The following TNKS variants were observed in gnomAD, a reference collection of about 807,000 sequenced individuals.
TNKS encodes poly [ADP-ribose] polymerase tankyrase-1.
A neutral mutation model predicts 135.8 loss-of-function variants in TNKS; 72 were observed. That is an observed-to-expected ratio of 0.53 (90% confidence interval 0.44 to 0.64). TNKS has a LOEUF of 0.64. Among genes scored for constraint, TNKS ranks in the 30% least tolerant of loss-of-function variants. The pLI is 0.00. For missense variants in TNKS, 1,769 were observed against 1,674.0 expected (o/e 1.06, Z -0.99); for synonymous variants, 849 against 649.3 (o/e 1.31, Z -4.68).
chr8:9,685,279 G>T (rs1313414952), intron 5 of TNKS, among the ~76,000 whole-genome samples: 1 of 152,122 alleles, frequency 6.6e-6, no homozygotes, highest in Non-Finnish European at 1.5e-5. Context: ...AGGTCAGAGG[G>T]ATTGGGTTCT....
intron 3 of TNKS, among the ~76,000 whole-genome samples, chr8:9,677,806 C>A (rs1269723502): frequency 1.3e-5 from 2 of 152,142 alleles, no homozygotes; most frequent in Non-Finnish European, 2.9e-5. Context: ...CTCGTCCATA[C>A]CCATTCCCCT....
intron 23 of TNKS, 59 bp downstream of exon 23, chr8:9,764,849 T>C: frequency 7.2e-7 from 1 of 1,391,856 alleles, no homozygotes; most frequent in Non-Finnish European, 9.8e-7. Flanking sequence ...AAAAACCAAA[T>C]CTAGACAATG....
chr8:9,588,446 T>G (rs558460028), intron 2 of TNKS, among the ~76,000 whole-genome samples: 1 of 152,180 alleles, frequency 6.6e-6, no homozygotes, highest in African/African-American at 2.4e-5. Context: ...AGCTAATTTT[T>G]TATGTATTTT....
At chr8:9,766,673 A>G (rs1807469307) in intron 25 of TNKS, among the ~76,000 whole-genome samples, 1 of 151,784 alleles carries the variant, frequency 6.6e-6, no homozygotes. Context: ...TTTAGTAGAG[A>G]TGGGGTTTTG....
chr8:9,633,210 A>T (rs1306673230), intron 3 of TNKS, among the ~76,000 whole-genome samples: 1 of 152,202 alleles, frequency 6.6e-6, no homozygotes, highest in Non-Finnish European at 1.5e-5. Context: ...AGTTTAATTC[A>T]TAGGTGATCC....
At chr8:9,756,527 T>G (rs1250793262) in intron 20 of TNKS, among the ~76,000 whole-genome samples, 2 of 151,942 alleles carry the variant, frequency 1.3e-5, no homozygotes, top group African/African-American at 4.8e-5. Flanking sequence ...AGTCAAGGTT[T>G]TAAAAAAGGA....
intron 17 of TNKS, chr8:9,740,768 A>C (rs903452217): frequency 2.0e-5 from 3 of 151,518 alleles, no homozygotes; most frequent in Admixed American, 1.3e-4. Flanking sequence ...CCAAAGACTT[A>C]GCATGCTAAA....
intron 1 of TNKS, among the ~76,000 whole-genome samples, chr8:9,567,677 A>C (rs1797600229): frequency 6.6e-6 from 1 of 152,166 alleles, no homozygotes; most frequent in South Asian, 2.1e-4. Flanking sequence ...TTGGCCTCCC[A>C]AAGTGGTGGG....
At chr8:9,634,111 A>AT (rs1043386913) in intron 3 of TNKS, among the ~76,000 whole-genome samples, 6 of 148,968 alleles carry the variant, frequency 4.0e-5, no homozygotes, top group East Asian at 1.9e-4. Context: ...ATGTATATAT[A>AT]TTTTTTTTCC....
intron 2 of TNKS, among the ~76,000 whole-genome samples, chr8:9,591,813 G>A (rs1380254725): frequency 6.6e-6 from 1 of 152,110 alleles, no homozygotes; most frequent in South Asian, 2.1e-4. Context: ...TTTCATCAGC[G>A]TTGGAATAAT....
chr8:9,582,315 T>A (rs1052284603), intron 2 of TNKS, among the ~76,000 whole-genome samples: 5 of 152,184 alleles, frequency 3.3e-5, no homozygotes, highest in African/African-American at 1.2e-4. Context: ...AAGCCTTGTT[T>A]TTTTTTTGTT....
rs1808474993 is a variant in TNKS at position 9,781,978 on chromosome 8, T to C, written c.*5242T>C. The C allele has an allele frequency of 6.6e-6, 1 of 152,448 alleles. No homozygotes were observed. The highest frequency in any genetic ancestry group is 2.1e-4 in the South Asian group (1 of 4,836). The allele number at this position is 152,448 out of a possible 1,614,324, so 9.4% of individuals were successfully genotyped here. On this transcript the variant is annotated 3_prime_UTR_variant, in exon 27 of 27. Coordinates refer to ENST00000310430, the MANE Select transcript of TNKS (RefSeq NM_003747.3). ...TTCACGTTAAGAATGTTTCATGCAA[T>C]ATTTGGCATATATTTACAGTAAAAG... is the stretch of plus-strand genomic sequence containing the variant.
intron 6 of TNKS, among the ~76,000 whole-genome samples, chr8:9,705,017 G>A (rs1031846166): frequency 1.3e-5 from 2 of 152,038 alleles, no homozygotes; most frequent in African/African-American, 4.8e-5. Context: ...TGCAGTTAGG[G>A]TTTTTCAACT....
intron 17 of TNKS, among the ~76,000 whole-genome samples, chr8:9,742,251 A>G (rs1250331088): frequency 1.3e-5 from 2 of 151,514 alleles, no homozygotes; most frequent in African/African-American, 2.4e-5. Flanking sequence ...GGCATCCGTG[A>G]GTTGATGACT....
At chr8:9,701,293 G>T (rs558781434) in intron 5 of TNKS, among the ~76,000 whole-genome samples, 101 of 152,188 alleles carry the variant, frequency 6.6e-4, no homozygotes, top group Non-Finnish European at 6.9e-4. Flanking sequence ...GAGAACTTTT[G>T]TTCATTTTCA....
Position 9,761,508 on chromosome 8 carries a change from T to C in TNKS, c.3154-8T>C. 6.2e-7 allele frequency: 1 copy of C among 1,612,182 alleles called. No individual in the cohort carries two copies. The highest frequency in any genetic ancestry group is 8.5e-7 in the Non-Finnish European group (1 of 1,179,564). On this transcript the variant is annotated splice_region_variant and splice_polypyrimidine_tract_variant and intron_variant, in intron 20 of 26. Transcript: ENST00000310430. ...AGATATCCTAGCTAATTTTGTTTCA[T>C]TTTTCAGATTACACTAGATGTGTTG...
At chr8:9,752,749 G>A (rs1377677302) in intron 20 of TNKS, 123 bp downstream of exon 20, 2 of 583,748 alleles carry the variant, frequency 3.4e-6, no homozygotes, top group Admixed American at 3.3e-5. Flanking sequence ...GAGCCCAGGA[G>A]TTTGAGACCA....
At chr8:9,751,949 C>A in intron 19 of TNKS, 103 bp downstream of exon 19, 2 of 1,019,350 alleles carry the variant, frequency 2.0e-6, no homozygotes, top group South Asian at 1.5e-5. Context: ...TAGAGACGTC[C>A]TGTCTGTAAA....
At chr8:9,575,623 A>G (rs543937714) in intron 1 of TNKS, among the ~76,000 whole-genome samples, 16 of 152,360 alleles carry the variant, frequency 1.1e-4, no homozygotes, top group African/African-American at 3.8e-4. Flanking sequence ...TAAATTTTAT[A>G]TATAAATCAC....
Sources: allele counts gnomAD v4.1 joint callset (sites outside exome capture counted in the v4.1 genomes callset), GRCh38; gene constraint gnomAD v4.1.1; transcripts MANE v1.5; gene names NCBI Gene and HGNC (gene_info 2026-07-23, HGNC 2026-07-21).